Variants in ECT2L observed in about 807,000 individuals in gnomAD.
The protein encoded by ECT2L is epithelial cell-transforming sequence 2 oncogene-like.
A neutral mutation model predicts 122.8 loss-of-function variants in ECT2L; 126 were observed. The ratio of observed to expected loss-of-function variants is 1.03; its 90% CI spans 0.89 to 1.19. The LOEUF (loss-of-function observed/expected upper bound fraction) is 1.19. Ranked by LOEUF, ECT2L falls within the 50% of genes most tolerant of loss-of-function variation. The pLI is 0.00. For synonymous variants in ECT2L, 385 were observed against 381.8 expected (o/e 1.01, Z -0.10); for missense variants, 1,012 against 1,064.1 (o/e 0.95, Z 0.68).
chr6:138,862,687 C>G lies in ECT2L; in HGVS notation c.1259C>G (p.Pro420Arg). 6.2e-7 allele frequency: 1 copy of G among 1,614,170 alleles called. No homozygotes were observed. Among genetic ancestry groups the G allele is most frequent in the Non-Finnish European group, 8.5e-7 (1 of 1,180,006 alleles). ...CTAACTGGCACGTTCTTTACGGCCC[C>G]CACTGGGATTGCAACTGGCTCTTAC... is the stretch of plus-strand genomic sequence containing the variant. ...SQLTGTFFTA[P>R]TGIATGSYQH... Residue 420 changes from proline (P) to arginine (R), a missense_variant, in exon 11 of 22, where the codon CCC becomes CGC. Pro to Arg is a moderately radical substitution (Grantham distance 103). Transcript: ENST00000541398.
chr6:138,813,132 A>G (rs2128373239), intron 2 of ECT2L, 40 bp from the exon 3 acceptor site: 1 of 559,922 alleles, frequency 1.8e-6, no homozygotes, highest in East Asian at 2.9e-5. Flanking sequence ...CTATAATTAT[A>G]TAATTCCTAT....
At chr6:138,802,048 C>T (rs1775562991) in intron 1 of ECT2L, among the ~76,000 whole-genome samples, 1 of 152,230 alleles carries the variant, frequency 6.6e-6, no homozygotes, top group African/African-American at 2.4e-5. Flanking sequence ...CGGCTTCCAT[C>T]TTGCCTGCCC....
At chr6:138,881,260 A>T in intron 15 of ECT2L, 89 bp downstream of exon 15, 1 of 1,307,248 alleles carries the variant, frequency 7.6e-7, no homozygotes, top group South Asian at 1.3e-5. Context: ...ATGGAGGTGC[A>T]ATGATGCTCT....
chr6:138,894,197 C>T (rs1779134782), intron 20 of ECT2L, among the ~76,000 whole-genome samples: 1 of 152,140 alleles, frequency 6.6e-6, no homozygotes, highest in Non-Finnish European at 1.5e-5. Context: ...GCTGGGATTA[C>T]AGGCACACGC....
At chr6:138,847,217 C>CAGG (rs1047976531) in intron 8 of ECT2L, among the ~76,000 whole-genome samples, 5 of 151,712 alleles carry the variant, frequency 3.3e-5, no homozygotes, top group African/African-American at 1.2e-4. Flanking sequence ...TTGTAGTGAT[C>CAGG]AGGACACTGC....
intron 4 of ECT2L, among the ~76,000 whole-genome samples, chr6:138,821,255 G>T (rs561758106): frequency 6.6e-6 from 1 of 152,168 alleles, no homozygotes; most frequent in African/African-American, 2.4e-5. Flanking sequence ...CAGGCAGCCC[G>T]AACTTGATGT....
At chr6:138,826,785 G>C (rs1776468328) in intron 4 of ECT2L, among the ~76,000 whole-genome samples, 1 of 152,052 alleles carries the variant, frequency 6.6e-6, no homozygotes, top group Non-Finnish European at 1.5e-5. Context: ...GGGTCACGGG[G>C]GGCAGATCCC....
At chr6:138,884,809 T>C (rs1306243056) in intron 16 of ECT2L, among the ~76,000 whole-genome samples, 1 of 152,058 alleles carries the variant, frequency 6.6e-6, no homozygotes, top group Non-Finnish European at 1.5e-5. Flanking sequence ...ATGGATAGGA[T>C]TGTTTTTTTT....
chr6:138,871,610 A>G (rs1778255905), intron 13 of ECT2L, among the ~76,000 whole-genome samples: 1 of 152,136 alleles, frequency 6.6e-6, no homozygotes, highest in African/African-American at 2.4e-5. Flanking sequence ...ATTTGAGACC[A>G]GCCTGGCCAA....
intron 7 of ECT2L, among the ~76,000 whole-genome samples, chr6:138,845,013 T>C (rs182355132): frequency 9.9e-4 from 151 of 152,250 alleles, no homozygotes; most frequent in Middle Eastern, 6.8e-3. Flanking sequence ...ATAACATTTT[T>C]CCACAAGTGT....
rs1777162351 is a variant in ECT2L at position 138,844,731 on chromosome 6, A to G, written c.764+151A>G. ...GTAAAGATAATTAATTTTCTAGAAC[A>G]GTAGTCAAACATGCCTTCTGAAGAG... On this transcript the variant is annotated intron_variant, in intron 7 of 21. Coordinates refer to ENST00000541398, the MANE Select transcript of ECT2L (RefSeq NM_001077706.3). 1.3e-5 allele frequency: 9 copies of G among 702,086 alleles called. No homozygotes were observed. In the South Asian group the frequency reaches 2.0e-4, roughly 16 times the overall value. 43.5% of individuals were successfully genotyped at this position (702,086 alleles called of 1,614,324 possible). A position where few individuals can be genotyped will look rare whatever the true frequency, so the allele number is the denominator to read the frequency against.
rs959657838 is a variant in ECT2L at position 138,884,054 on chromosome 6, C to T, written c.2028+1183C>T. Among the ~76,000 whole-genome samples, 5 of 152,148 alleles carry T rather than the reference C, an allele frequency of 3.3e-5. No individual in the cohort carries two copies. In the East Asian group the frequency reaches 9.7e-4, roughly 30 times the overall value. On this transcript the variant is annotated intron_variant, in intron 16 of 21. Transcript: ENST00000541398. The stretch of plus-strand genomic sequence containing the variant: ...AATTTTTTTGTATTTTTTGTAGAGA[C>T]GGAGTTTCACCATGTTGTCCAGGCT...
intron 18 of ECT2L, among the ~76,000 whole-genome samples, chr6:138,886,449 C>A (rs1778823288): frequency 6.6e-6 from 1 of 152,038 alleles, no homozygotes; most frequent in African/African-American, 2.4e-5. Flanking sequence ...GCTCTGTCAC[C>A]AAGGCTTGAG....
intron 15 of ECT2L, among the ~76,000 whole-genome samples, chr6:138,882,169 G>A (rs1239304420): frequency 2.6e-5 from 4 of 152,304 alleles, no homozygotes; most frequent in South Asian, 2.1e-4. Context: ...GGTAAAAGGA[G>A]GCAACCTGAG....
intron 10 of ECT2L, 112 bp from the exon 11 acceptor site, chr6:138,862,515 C>T (rs373001162): frequency 3.6e-5 from 37 of 1,019,924 alleles, no homozygotes; most frequent in Non-Finnish European, 5.3e-5. Context: ...CCACCTCCAA[C>T]GTTGGGGATT....
At chr6:138,861,904 G>GA (rs1172408047) in intron 10 of ECT2L, among the ~76,000 whole-genome samples, 1 of 152,026 alleles carries the variant, frequency 6.6e-6, no homozygotes, top group Non-Finnish European at 1.5e-5. Context: ...GACTATTTTA[G>GA]AAAAAAATAT....
rs769438975 is a variant in ECT2L at position 138,814,476 on chromosome 6, C to T, written c.67-15C>T. ...ACTGTACAGCAAATGTCACTTCCTC[C>T]CCTCCCCCTTATAGCTCTTTCAGGA... On this transcript the variant is annotated splice_polypyrimidine_tract_variant and intron_variant, in intron 3 of 21. Coordinates refer to ENST00000541398, the MANE Select transcript of ECT2L (RefSeq NM_001077706.3). The T allele has an allele frequency of 1.3e-6, 2 of 1,535,610 alleles. No individual in the cohort carries two copies. Among genetic ancestry groups the T allele is most frequent in the South Asian group, 2.3e-5 (2 of 88,020 alleles).
chr6:138,838,241 T>C, intron 4 of ECT2L, 111 bp from the exon 5 acceptor site: 1 of 1,046,884 alleles, frequency 9.6e-7, no homozygotes, highest in Non-Finnish European at 1.3e-6. Flanking sequence ...TTGTTAGGAT[T>C]TATTTTTTAT....
At chr6:138,875,782 C>T (rs549224436) in intron 13 of ECT2L, among the ~76,000 whole-genome samples, 2 of 152,262 alleles carry the variant, frequency 1.3e-5, no homozygotes, top group East Asian at 1.9e-4. Flanking sequence ...TAAAAATAAC[C>T]TATTTGCCCT....
Sources: allele counts gnomAD v4.1 joint callset (sites outside exome capture counted in the v4.1 genomes callset), GRCh38; gene constraint gnomAD v4.1.1; transcripts MANE v1.5; gene names NCBI Gene and HGNC (gene_info 2026-07-23, HGNC 2026-07-21).